SPAG16: variants seen among roughly 807,000 people sequenced by gnomAD.
The protein encoded by SPAG16 is sperm associated antigen 16.
SPAG16 carries 86 observed loss-of-function variants against 80.4 expected under a neutral mutation model. The ratio of observed to expected loss-of-function variants is 1.07; its 90% CI spans 0.90 to 1.28. SPAG16 has a LOEUF of 1.28. SPAG16 is among the 50% of genes most tolerant of loss of function. The probability of loss-of-function intolerance (pLI) is 0.00; values close to 1 mark genes in which losing one functional copy is unlikely to be tolerated. For synonymous variants in SPAG16, 294 were observed against 265.9 expected, an observed-to-expected ratio of 1.11 and a Z score of -1.03; for missense variants, 870 against 765.3, an observed-to-expected ratio of 1.14 and a Z score of -1.61.
chr2:213,906,211 A>G (rs1416529185), intron 11 of SPAG16, among the ~76,000 whole-genome samples: 1 of 149,124 alleles, frequency 6.7e-6, no homozygotes, highest in Non-Finnish European at 1.5e-5. Context: ...CTTTCTATGC[A>G]CCAATAATGA....
At chr2:214,227,722 G>GTGTC (rs1403469773) in intron 15 of SPAG16, among the ~76,000 whole-genome samples, 1 of 151,282 alleles carries the variant, frequency 6.6e-6, no homozygotes, top group Non-Finnish European at 1.5e-5. Flanking sequence ...GTGTGTGTGT[G>GTGTC]TGTGTGTGTG....
intron 5 of SPAG16, among the ~76,000 whole-genome samples, chr2:213,334,955 G>A (rs1025796119): frequency 2.6e-5 from 4 of 152,004 alleles, no homozygotes; most frequent in African/African-American, 4.8e-5. Flanking sequence ...AGTAAAATTC[G>A]ATTTTTTGTA....
rs184388419 is a variant in SPAG16, at chr2:214,152,928, G to A, written c.1720+3662G>A. On this transcript the variant is annotated intron_variant, in intron 15 of 15. Coordinates refer to ENST00000331683, the MANE Select transcript of SPAG16 (RefSeq NM_024532.5). ...ATTGACTACTGCTATCTAGAAGGCA[G>A]AGCCAGGTATACAGGATGGAACATG... Among the ~76,000 whole-genome samples, 171 of 152,280 alleles carry A rather than the reference G, an allele frequency of 1.1e-3. 1 individual carries two copies. The highest frequency in any genetic ancestry group is 3.9e-3 in the African/African-American group (164 of 41,576).
At chr2:213,422,082 T>G in intron 9 of SPAG16, 2 of 638,594 alleles carry the variant, frequency 3.1e-6, no homozygotes, top group South Asian at 3.4e-5. Flanking sequence ...GGTAGGGGAC[T>G]AAAAGAGCTG....
intron 11 of SPAG16, among the ~76,000 whole-genome samples, chr2:213,904,048 G>C (rs2077331742): frequency 6.6e-6 from 1 of 151,984 alleles, no homozygotes; most frequent in Non-Finnish European, 1.5e-5. Flanking sequence ...TCACTATCAG[G>C]CTTTTGGTCA....
intron 15 of SPAG16, among the ~76,000 whole-genome samples, chr2:214,325,843 T>C (rs1696439493): frequency 6.6e-6 from 1 of 152,186 alleles, no homozygotes; most frequent in Non-Finnish European, 1.5e-5. Flanking sequence ...GAGATATTGA[T>C]TTTAAAGGAA....
chr2:213,869,408 C>T (rs62192576), intron 11 of SPAG16, among the ~76,000 whole-genome samples: 88,333 of 149,116 alleles, frequency 0.59, 28,027 homozygotes, highest in South Asian at 0.85. Flanking sequence ...TATTGATATA[C>T]TGTCTCTCTA....
chr2:213,393,759 T>G (rs1371458809), intron 9 of SPAG16, among the ~76,000 whole-genome samples: 1 of 152,152 alleles, frequency 6.6e-6, no homozygotes, highest in Non-Finnish European at 1.5e-5. Context: ...TATCTTTCTC[T>G]GTATTCATTA....
intron 1 of SPAG16, among the ~76,000 whole-genome samples, chr2:213,295,151 T>C (rs1413089637): frequency 2.0e-5 from 3 of 152,170 alleles, no homozygotes; most frequent in Non-Finnish European, 4.4e-5. Context: ...TTGATTTTCA[T>C]AACCATTACC....
At chr2:214,201,338 A>T (rs568294145) in intron 15 of SPAG16, among the ~76,000 whole-genome samples, 4 of 152,294 alleles carry the variant, frequency 2.6e-5, no homozygotes, top group Non-Finnish European at 5.9e-5. Context: ...TAATAGGGGA[A>T]ATTAAGATAT....
intron 9 of SPAG16, among the ~76,000 whole-genome samples, chr2:213,458,744 T>C (rs1413436375): frequency 6.6e-6 from 1 of 152,238 alleles, no homozygotes; most frequent in African/African-American, 2.4e-5. Context: ...CATCATCTTC[T>C]GGCTCTCCTT....
chr2:213,654,574 G>A (rs1004287117), intron 10 of SPAG16, among the ~76,000 whole-genome samples: 14 of 147,744 alleles, frequency 9.5e-5, no homozygotes, highest in African/African-American at 2.5e-4. Context: ...AAAATTAGCC[G>A]GGTGTGGTGG....
chr2:213,285,694 A>G (rs2062030108), intron 1 of SPAG16, among the ~76,000 whole-genome samples: 1 of 152,220 alleles, frequency 6.6e-6, no homozygotes, highest in South Asian at 2.1e-4. Flanking sequence ...TAAAGAAAAT[A>G]TGTAGTATTT....
At chr2:213,653,477 T>C (rs2125153793) in intron 10 of SPAG16, among the ~76,000 whole-genome samples, 2 of 152,324 alleles carry the variant, frequency 1.3e-5, no homozygotes, top group South Asian at 4.1e-4. Context: ...CCTTTGAAGA[T>C]ATCATTCAAG....
chr2:213,729,677 G>A (rs9288470), intron 10 of SPAG16, among the ~76,000 whole-genome samples: 34,450 of 152,122 alleles, frequency 0.23, 4,432 homozygotes, highest in East Asian at 0.51. Context: ...ACCGATTAAT[G>A]TAAAGTTGTC....
chr2:213,854,895 T>G (rs2075078570), intron 10 of SPAG16, among the ~76,000 whole-genome samples: 1 of 152,218 alleles, frequency 6.6e-6, no homozygotes, highest in South Asian at 2.1e-4. Flanking sequence ...GTAACTAAAG[T>G]TTTGTTGGAA....
chr2:213,474,811 A>G (rs1303927429), intron 9 of SPAG16, among the ~76,000 whole-genome samples: 1 of 152,182 alleles, frequency 6.6e-6, no homozygotes, highest in African/African-American at 2.4e-5. Context: ...GCAGCTGATT[A>G]GTTGGTGCCC....
chr2:213,826,926 GCATATATAT>G (rs2073338712), intron 10 of SPAG16, among the ~76,000 whole-genome samples: 1 of 151,782 alleles, frequency 6.6e-6, no homozygotes, highest in Non-Finnish European at 1.5e-5. Context: ...GGTGTTGGGT[GCATATATAT>G]CATCATACTG....
rs58070679 is a variant in SPAG16 at position 213,728,876 on chromosome 2, C to CAAAAAAAAAAAAAAAAAAAAAAA, written c.1071-133586_1071-133564dup. Among the ~76,000 whole-genome samples, 25 of 58,458 alleles carry CAAAAAAAAAAAAAAAAAAAAAAA rather than the reference C, an allele frequency of 4.3e-4. 2 individuals carry two copies. The highest frequency in any genetic ancestry group is 0.012 in the Middle Eastern group (1 of 84). 38.4% of individuals were successfully genotyped at this position (58,458 alleles called of 152,430 possible). A position where few individuals can be genotyped will look rare whatever the true frequency, so the allele number is the denominator to read the frequency against. On this transcript the variant is annotated intron_variant, in intron 10 of 15. Coordinates refer to ENST00000331683, the MANE Select transcript of SPAG16 (RefSeq NM_024532.5). Reference sequence around the variant, plus strand: ...TGGGCGACAGAGTGAGACTCCGTCTCAAAAAAAAAAAAAAAAAAAAAAAAA... The same window carrying CAAAAAAAAAAAAAAAAAAAAAAA: ...TGGGCGACAGAGTGAGACTCCGTCTCAAAAAAAAAAAAAAAAAAAAAAAAAAAAAAAAAAAAAAAAAAAAAAAA...
Sources: allele counts gnomAD v4.1 joint callset (sites outside exome capture counted in the v4.1 genomes callset), GRCh38; gene constraint gnomAD v4.1.1; transcripts MANE v1.5; gene names NCBI Gene and HGNC (gene_info 2026-07-23, HGNC 2026-07-21).